The following DIAPH2 variants were observed in gnomAD, a reference collection of about 807,000 sequenced individuals.
The protein encoded by DIAPH2 is protein diaphanous homolog 2.
In DIAPH2, 35 loss-of-function variants were observed where a neutral mutation model predicts 92.7. The observed-to-expected ratio is 0.38, with a 90% CI of 0.29 to 0.50. DIAPH2 has a LOEUF of 0.50. DIAPH2 is among the 20% of genes least tolerant of loss of function. The pLI is 0.94. For missense variants in DIAPH2, 701 were observed against 819.5 expected (o/e 0.86, Z 1.77); for synonymous variants, 301 against 280.4 (o/e 1.07, Z -0.73).
At chrX:97,330,474 T>A (rs1305557563) in intron 23 of DIAPH2, among the ~76,000 whole-genome samples, 1 of 110,659 alleles carries the variant, frequency 9.0e-6, no homozygotes, top group Non-Finnish European at 1.9e-5. Flanking sequence ...TCCTCAAGGC[T>A]CATCCATGTC....
chrX:96,773,243 C>CCA (rs1289436792), intron 4 of DIAPH2, among the ~76,000 whole-genome samples: 1 of 86,198 alleles, frequency 1.2e-5, no homozygotes, highest in African/African-American at 4.1e-5. Flanking sequence ...TGTTTCCCCC[C>CCA]CCCTCCCGCC....
intron 22 of DIAPH2, among the ~76,000 whole-genome samples, chrX:97,167,900 C>A (rs1268440017): frequency 9.0e-6 from 1 of 110,750 alleles, no homozygotes; most frequent in Non-Finnish European, 1.9e-5. Flanking sequence ...TTTTTCTGAT[C>A]TTTCTTTTGG....
intron 25 of DIAPH2, among the ~76,000 whole-genome samples, chrX:97,391,636 C>T (rs1301399700): frequency 3.6e-5 from 4 of 110,922 alleles, no homozygotes; most frequent in African/African-American, 1.3e-4. Flanking sequence ...CTTCTATTTC[C>T]TATCAATGTA....
chrX:97,280,391 C>A (rs930773718), intron 23 of DIAPH2, among the ~76,000 whole-genome samples: 1 of 110,252 alleles, frequency 9.1e-6, no homozygotes, highest in Non-Finnish European at 1.9e-5. Flanking sequence ...GGCAGAAGAA[C>A]GAACCCGGGA....
intron 16 of DIAPH2, among the ~76,000 whole-genome samples, chrX:96,961,688 A>T (rs1350602576): frequency 9.1e-6 from 1 of 109,463 alleles, no homozygotes; most frequent in Non-Finnish European, 1.9e-5. Context: ...CCCTCTTAGC[A>T]TTGCTTTCCA....
chrX:96,802,741 G>C (rs368006848), intron 4 of DIAPH2, among the ~76,000 whole-genome samples: 1 of 111,342 alleles, frequency 9.0e-6, no homozygotes, highest in Admixed American at 9.5e-5. Context: ...AAGGAGTATT[G>C]ACCCACATGA....
At chrX:97,174,427 G>C (rs1461224836) in intron 22 of DIAPH2, among the ~76,000 whole-genome samples, 2 of 111,627 alleles carry the variant, frequency 1.8e-5, no homozygotes, top group African/African-American at 6.5e-5. Flanking sequence ...GTGTTGGCAA[G>C]GAGGACGCTA....
At chrX:97,067,957 G>A (rs2066644519) in intron 17 of DIAPH2, among the ~76,000 whole-genome samples, 1 of 111,478 alleles carries the variant, frequency 9.0e-6, no homozygotes, top group Non-Finnish European at 1.9e-5. Context: ...GAAATGTTGG[G>A]CTATGTTTAT....
intron 12 of DIAPH2, among the ~76,000 whole-genome samples, chrX:96,939,728 G>T (rs1216109918): frequency 1.7e-5 from 1 of 59,185 alleles, no homozygotes; most frequent in East Asian, 4.0e-4. Context: ...GCAGTGGCGC[G>T]ATCTCGACTC....
At chrX:97,109,763 A>G (rs1404258800) in intron 20 of DIAPH2, among the ~76,000 whole-genome samples, 3 of 111,437 alleles carry the variant, frequency 2.7e-5, no homozygotes, top group Non-Finnish European at 5.6e-5. Context: ...CATTTTACTG[A>G]ATATTATGTT....
At chrX:97,493,779 G>A (rs1474741724) in intron 26 of DIAPH2, among the ~76,000 whole-genome samples, 9 of 109,410 alleles carry the variant, frequency 8.2e-5, no homozygotes, top group African/African-American at 3.0e-4. Context: ...CCAGCTACTG[G>A]GGAGGCTGAG....
At chrX:97,038,594 G>T (rs2066427693) in intron 17 of DIAPH2, among the ~76,000 whole-genome samples, 1 of 105,629 alleles carries the variant, frequency 9.5e-6, no homozygotes. Flanking sequence ...GAGTGCAGTG[G>T]CGTGATCTCG....
At chrX:97,211,336 C>T (rs769502869) in intron 22 of DIAPH2, among the ~76,000 whole-genome samples, 2 of 110,019 alleles carry the variant, frequency 1.8e-5, no homozygotes, top group African/African-American at 6.6e-5. Flanking sequence ...TGTTACTCAC[C>T]TTGTGGAATA....
At chrX:97,435,251 G>A (rs1472406050) in intron 26 of DIAPH2, among the ~76,000 whole-genome samples, 2 of 111,769 alleles carry the variant, frequency 1.8e-5, no homozygotes, top group Non-Finnish European at 3.8e-5. Flanking sequence ...AGGCTATAGG[G>A]AAAGATCATA....
At chrX:96,881,252 T>C (rs184946887) in intron 4 of DIAPH2, among the ~76,000 whole-genome samples, 1 of 111,612 alleles carries the variant, frequency 9.0e-6, no homozygotes, top group Non-Finnish European at 1.9e-5. Flanking sequence ...ATGCTTATCC[T>C]CTGGGTTAAG....
intron 22 of DIAPH2, among the ~76,000 whole-genome samples, chrX:97,213,675 T>C (rs2067859155): frequency 8.9e-6 from 1 of 112,376 alleles, no homozygotes; most frequent in South Asian, 3.7e-4. Flanking sequence ...TATACAAATG[T>C]ACTCTTGATT....
intron 4 of DIAPH2, among the ~76,000 whole-genome samples, chrX:96,821,623 A>C (rs764980135): frequency 8.9e-6 from 1 of 112,401 alleles, no homozygotes; most frequent in South Asian, 3.7e-4. Flanking sequence ...ACTAATATTT[A>C]TAATTTTGAT....
chrX:96,976,960 C>A (rs771381378), intron 17 of DIAPH2, among the ~76,000 whole-genome samples: 4 of 111,326 alleles, frequency 3.6e-5, no homozygotes, highest in Non-Finnish European at 5.7e-5. Context: ...AACTGAGACT[C>A]TGGGAGATTA....
At chrX:97,578,426 T>A (rs1315768937) in intron 26 of DIAPH2, among the ~76,000 whole-genome samples, 2 of 105,430 alleles carry the variant, frequency 1.9e-5, no homozygotes, top group African/African-American at 6.9e-5. Context: ...CGGTGTTTGG[T>A]TTTTTGCTCT....
Sources: gnomAD v4.1 joint callset for allele counts (sites outside exome capture counted in the v4.1 genomes callset) on GRCh38, gnomAD v4.1.1 for gene constraint, MANE v1.5 for transcripts, NCBI Gene and HGNC (gene_info 2026-07-23, HGNC 2026-07-21) for gene names.